The following HM13 variants were observed in gnomAD, a reference collection of about 807,000 sequenced individuals.
HM13 encodes signal peptide peptidase.
In HM13, 18 loss-of-function variants were observed where a neutral mutation model predicts 50.0. The observed-to-expected ratio is 0.36, with a 90% CI of 0.25 to 0.53. The LOEUF is 0.53. Among genes scored for constraint, HM13 ranks in the 20% least tolerant of loss-of-function variants. HM13 has a pLI of 0.90. For missense variants in HM13, 393 were observed against 552.4 expected (o/e 0.71, Z 2.89); for synonymous variants, 197 against 232.6 (o/e 0.85, Z 1.39).
At chr20:31,566,073 G>A (rs1600673238) in intron 10 of HM13, 137 bp from the exon 11 acceptor site, 1 of 601,182 alleles carries the variant, frequency 1.7e-6, no homozygotes. Context: ...CTGGGTTCAG[G>A]CCCAGCCACT....
intron 12 of HM13, among the ~76,000 whole-genome samples, chr20:31,568,744 G>A (rs978214366): frequency 6.6e-6 from 1 of 152,202 alleles, no homozygotes; most frequent in Non-Finnish European, 1.5e-5. Context: ...TTCATGCTGT[G>A]TGCCCTGGGA....
chr20:31,555,469 A>T (rs1243094884), intron 8 of HM13, among the ~76,000 whole-genome samples: 1 of 152,160 alleles, frequency 6.6e-6, no homozygotes, highest in Non-Finnish European at 1.5e-5. Context: ...AGGATAGCAC[A>T]TCCTGCGCAA....
chr20:31,549,382 C>A lies in HM13; in HGVS notation c.666+50C>A, dbSNP rs556155126. On this transcript the variant is annotated intron_variant, in intron 6 of 12. Coordinates refer to ENST00000398174, the MANE Select transcript of HM13 (RefSeq NM_178581.3). ...ATGTCTGGCTCCGGGGCCATCTCAT[C>A]TCATCACCCTGCCTCTCTGGCCCAA... The A allele has an allele frequency of 5.6e-6, 9 of 1,610,720 alleles. No homozygotes were observed. In the East Asian group the frequency reaches 1.8e-4, roughly 32 times the overall value.
rs749656704 is a variant in HM13, at chr20:31,561,740, G to A, written c.948+4G>A. 6.3e-7 allele frequency: 1 copy of A among 1,589,976 alleles called. No individual in the cohort carries two copies. Among genetic ancestry groups the A allele is most frequent in the Non-Finnish European group, 8.6e-7 (1 of 1,157,998 alleles). ...GCACATCTTCAAGCATGCTCAGGTG[G>A]GCAGGACGGTATCAGAGTGTCAGGA... On this transcript the variant is annotated splice_donor_region_variant and intron_variant, in intron 10 of 12. Transcript: ENST00000398174.
At chr20:31,567,805 C>T (rs1985007847) in intron 11 of HM13, 4 of 388,180 alleles carry the variant, frequency 1.0e-5, no homozygotes, top group South Asian at 9.5e-5. Flanking sequence ...TGGGTTTCTA[C>T]GGTATTTCTT....
In HM13 at chr20:31,549,324, G is replaced by A. The variant is rs1192997807; in HGVS notation, c.658G>A (p.Val220Ile). The A allele has an allele frequency of 6.2e-7, 1 of 1,614,132 alleles. No individual in the cohort carries two copies. The highest frequency in any genetic ancestry group is 1.3e-5 in the African/African-American group (1 of 74,950). The change falls in exon 6 of 13, where the codon GTC becomes ATC. Residue 220 changes from valine to isoleucine, a missense_variant. Physicochemically the swap from Val to Ile is conservative, Grantham distance 29. Coordinates refer to ENST00000398174, the MANE Select transcript of HM13 (RefSeq NM_178581.3). ...ILLGGLFIYD[V>I]FWVFGTNVMV... ...GCTGGGCGGACTCTTCATCTACGAT[G>A]TCTTCTGGGTGAGTCAGGCAGGGAT...
intron 4 of HM13, chr20:31,547,828 G>A (rs1260092641): frequency 9.6e-6 from 9 of 935,616 alleles, no homozygotes; most frequent in South Asian, 3.9e-5. Context: ...ACTCAGTGGC[G>A]CAAATATTAT....
chr20:31,553,690 C>T (rs1009483218), intron 7 of HM13, among the ~76,000 whole-genome samples: 6 of 152,028 alleles, frequency 3.9e-5, no homozygotes, highest in Non-Finnish European at 7.4e-5. Context: ...CCTCCTTTTG[C>T]TATAACTAGA....
intron 7 of HM13, chr20:31,554,442 G>A (rs144848111): frequency 1.9e-3 from 501 of 258,878 alleles, no homozygotes; most frequent in African/African-American, 0.011. Flanking sequence ...CAGCACTTTG[G>A]GAGGTCGAGG....
intron 1 of HM13, among the ~76,000 whole-genome samples, chr20:31,524,459 A>C (rs970662092): frequency 4.6e-5 from 7 of 152,128 alleles, no homozygotes; most frequent in Admixed American, 2.0e-4. Flanking sequence ...GGGTATGTGC[A>C]TTTGTAATTT....
chr20:31,521,859 T>C (rs1982184249), intron 1 of HM13, among the ~76,000 whole-genome samples: 1 of 149,612 alleles, frequency 6.7e-6, no homozygotes, highest in Non-Finnish European at 1.5e-5. Flanking sequence ...CCATTCTTTT[T>C]TTTTTTTTTT....
At chr20:31,561,493 C>T in intron 9 of HM13, 141 bp from the exon 10 acceptor site, 2 of 659,134 alleles carry the variant, frequency 3.0e-6, no homozygotes, top group South Asian at 1.7e-5. Context: ...TCAGCGTGCA[C>T]ACCCACCTCC....
chr20:31,567,019 C>T (rs1473924014), intron 11 of HM13, among the ~76,000 whole-genome samples: 1 of 152,144 alleles, frequency 6.6e-6, no homozygotes, highest in African/African-American at 2.4e-5. Flanking sequence ...CCAAGCTGTC[C>T]CTAGAGCGCT....
At chr20:31,566,362 TG>T in intron 11 of HM13, 67 bp downstream of exon 11, 1 of 1,291,816 alleles carries the variant, frequency 7.7e-7, no homozygotes, top group Non-Finnish European at 1.1e-6. Flanking sequence ...CAGTGGAACC[TG>T]CTGGGGGTAT....
At chr20:31,557,114 C>T (rs1175489694) in intron 8 of HM13, among the ~76,000 whole-genome samples, 1 of 152,020 alleles carries the variant, frequency 6.6e-6, no homozygotes, top group Non-Finnish European at 1.5e-5. Context: ...TTCCATTTTA[C>T]AGATAAGGAA....
intron 2 of HM13, among the ~76,000 whole-genome samples, chr20:31,529,022 A>G: frequency 6.6e-6 from 1 of 152,220 alleles, no homozygotes; most frequent in Non-Finnish European, 1.5e-5. Context: ...GTTTGTTTAG[A>G]GACAGGGTCT....
rs143472423 is a variant in HM13, at chr20:31,519,819, T to C, written c.183+5085T>C. Among the ~76,000 whole-genome samples the C allele has an allele frequency of 3.3e-5, 5 of 151,692 alleles. No homozygotes were observed. The East Asian group carries it at 7.7e-4, about 23-fold the overall frequency. Reference sequence around the variant, plus strand: ...TATTTGTGGGATAAATTTCTCAAAATTGGTGGGTCGAAGGCTATGCACACT... The same window carrying C: ...TATTTGTGGGATAAATTTCTCAAAACTGGTGGGTCGAAGGCTATGCACACT... On this transcript the variant is annotated intron_variant, in intron 1 of 12. Coordinates refer to ENST00000398174, the MANE Select transcript of HM13 (RefSeq NM_178581.3).
intron 8 of HM13, among the ~76,000 whole-genome samples, chr20:31,557,619 C>G (rs1984385314): frequency 6.6e-6 from 1 of 152,116 alleles, no homozygotes; most frequent in Admixed American, 6.6e-5. Flanking sequence ...AACCAACTCC[C>G]TACTCCTACA....
rs1043541642 is a variant in HM13 at position 31,552,876 on chromosome 20, C to T, written c.725-1870C>T. Reference sequence around the variant, plus strand: ...CAAGCTTATTCAGAATCCCTGTGCACGCACCTCTGTGTACCTGTTGTTGGC... The same window carrying T: ...CAAGCTTATTCAGAATCCCTGTGCATGCACCTCTGTGTACCTGTTGTTGGC... On this transcript the variant is annotated intron_variant, in intron 7 of 12. Transcript: ENST00000398174. Among the ~76,000 whole-genome samples, 11 of 152,278 alleles carry T rather than the reference C, an allele frequency of 7.2e-5. No individual in the cohort carries two copies. In the East Asian group the frequency reaches 1.5e-3, roughly 21 times the overall value.
Sources: gnomAD v4.1 joint callset for allele counts (sites outside exome capture counted in the v4.1 genomes callset) on GRCh38, gnomAD v4.1.1 for gene constraint, MANE v1.5 for transcripts, NCBI Gene and HGNC (gene_info 2026-07-23, HGNC 2026-07-21) for gene names.